SMARCA4: variants seen among roughly 807,000 people sequenced by gnomAD.
SMARCA4 encodes the protein SWI/SNF-related matrix-associated actin-dependent regulator of chromatin subfamily A member 4.
In SMARCA4, 31 loss-of-function variants were observed where a neutral mutation model predicts 193.9. The observed-to-expected ratio is 0.16, with a 90% CI of 0.12 to 0.22. The LOEUF (loss-of-function observed/expected upper bound fraction) is 0.22. Among genes scored for constraint, SMARCA4 ranks in the 10% least tolerant of loss-of-function variants. The pLI, the probability that SMARCA4 is intolerant of heterozygous loss-of-function variation, is 1.00. For synonymous variants in SMARCA4, 942 were observed against 933.1 expected, an observed-to-expected ratio of 1.01 and a Z score of -0.17; for missense variants, 1,148 against 2,296.0, an observed-to-expected ratio of 0.50 and a Z score of 10.22.
chr19:10,996,850 G>T (rs1263391639), intron 11 of SMARCA4, among the ~76,000 whole-genome samples: 1 of 152,178 alleles, frequency 6.6e-6, no homozygotes, highest in Non-Finnish European at 1.5e-5. Flanking sequence ...TTCACCCAGA[G>T]TCTCCATTTT....
intron 34 of SMARCA4, among the ~76,000 whole-genome samples, chr19:11,061,188 T>TAAAAAAAA (rs140377414): frequency 4.2e-4 from 29 of 68,814 alleles, no homozygotes; most frequent in African/African-American, 1.4e-3. Context: ...ACCCTGTCTT[T>TAAAAAAAA]AAAAAAAAAA....
chr19:11,018,847 G>A, intron 16 of SMARCA4, 110 bp from the exon 17 acceptor site: 5 of 873,000 alleles, frequency 5.7e-6, no homozygotes, highest in Non-Finnish European at 9.9e-6. Context: ...TGCCCACTCG[G>A]AGGGCTGTGG....
intron 23 of SMARCA4, among the ~76,000 whole-genome samples, chr19:11,026,705 A>G (rs955251301): frequency 6.6e-6 from 1 of 151,900 alleles, no homozygotes; most frequent in Non-Finnish European, 1.5e-5. Flanking sequence ...CACCATGTTG[A>G]CCAGGCTGAT....
At position 11,041,367 on chromosome 19, in the gene SMARCA4, C is replaced by T. The variant is rs755455174; in HGVS notation, c.4231C>T (p.Arg1411Trp). The change falls in exon 30 of 35, where the codon CGG becomes TGG. Residue 1411 changes from arginine to tryptophan, a missense_variant. Transcript: ENST00000344626. This position sits in a 1 kb window ranked among gnomAD's most constrained non-coding sequence, Gnocchi z 5.6. ...EEEVRQKKSS[R>W]KRKRDSDAGS... ...GGAGGTCCGGCAGAAGAAATCATCACGGAAGCGCAAGCGAGACAGCGACGC... is the reference window on the plus strand; with the variant it reads ...GGAGGTCCGGCAGAAGAAATCATCATGGAAGCGCAAGCGAGACAGCGACGC... The T allele has an allele frequency of 3.1e-6, 5 of 1,612,714 alleles. No homozygotes were observed. The highest frequency in any genetic ancestry group is 1.1e-5 in the South Asian group (1 of 91,076).
At chr19:11,045,322 A>T (rs1232032267) in intron 30 of SMARCA4, among the ~76,000 whole-genome samples, 4 of 152,122 alleles carry the variant, frequency 2.6e-5, no homozygotes, top group African/African-American at 9.7e-5. Flanking sequence ...TCCGTCTAAA[A>T]AAAAAAAGAG....
intron 29 of SMARCA4, among the ~76,000 whole-genome samples, chr19:11,038,555 A>G (rs113593250): frequency 1.3e-5 from 2 of 151,880 alleles, no homozygotes; most frequent in Non-Finnish European, 2.9e-5. Context: ...CTGCTCCATC[A>G]TTCTGGTGTC....
chr19:11,045,439 C>T (rs907037508), intron 30 of SMARCA4, among the ~76,000 whole-genome samples: 2 of 152,090 alleles, frequency 1.3e-5, no homozygotes, highest in East Asian at 1.9e-4. Context: ...AGCCACACGA[C>T]GAGCCTTCTA....
In SMARCA4 at chr19:11,019,514, A is replaced by AG; in HGVS notation, c.2506-72dup. ...TCCCGCCGTGTCACTGGGCAGTTGC[A>AG]GGGGGTGCCTGTGCCCCTCTTGCCA... On this transcript the variant is annotated intron_variant, in intron 17 of 34. Transcript: ENST00000344626. The surrounding 1 kb of genome is among the most constrained non-coding windows in gnomAD (Gnocchi z 6.1). 1 of 857,004 alleles carries AG rather than the reference A, an allele frequency of 1.2e-6. No individual in the cohort carries two copies. The highest frequency in any genetic ancestry group is 1.9e-6 in the Non-Finnish European group (1 of 515,910). 53.1% of individuals were successfully genotyped at this position (857,004 alleles called of 1,614,324 possible).
chr19:11,033,183 G>T lies in SMARCA4; in HGVS notation c.3547-107G>T. On this transcript the variant is annotated intron_variant, in intron 25 of 34. Coordinates refer to ENST00000344626, the MANE Select transcript of SMARCA4 (RefSeq NM_003072.5). This position sits in a 1 kb window ranked among gnomAD's most constrained non-coding sequence, Gnocchi z 9.8. ...AGGTCAGGCTGGGCAGAATTGTCAG[G>T]CCGAGGGTGGCACGCACAGCACACC... The T allele has an allele frequency of 1.2e-6, 1 of 863,776 alleles. No homozygotes were observed. The highest frequency in any genetic ancestry group is 1.9e-6 in the Non-Finnish European group (1 of 514,968). 53.5% of individuals were successfully genotyped at this position (863,776 alleles called of 1,614,324 possible).
rs372811099 is a variant in SMARCA4 at position 11,034,096 on chromosome 19, C to A, written c.3874-27C>A. ...GCCGCCCACCCCGGCCCCTCCTCAG[C>A]GGCACTGACAGTTTGCAATCTTATA... On this transcript the variant is annotated intron_variant, in intron 27 of 34. Coordinates refer to ENST00000344626, the MANE Select transcript of SMARCA4 (RefSeq NM_003072.5). This position sits in a 1 kb window ranked among gnomAD's most constrained non-coding sequence, Gnocchi z 7.0. 6.3e-7 allele frequency: 1 copy of A among 1,591,284 alleles called. No homozygotes were observed. Among genetic ancestry groups the A allele is most frequent in the Non-Finnish European group, 8.6e-7 (1 of 1,160,082 alleles).
At chr19:11,060,432 G>A in intron 34 of SMARCA4, 2 of 597,696 alleles carry the variant, frequency 3.3e-6, no homozygotes, top group East Asian at 2.8e-5. Flanking sequence ...GGGACTGGGG[G>A]ACACGTGAGT....
In SMARCA4 at chr19:10,983,684, T is replaced by C. The variant is rs1002435186; in HGVS notation, c.-31-437T>C. 6 of 187,450 alleles carry C rather than the reference T, an allele frequency of 3.2e-5. No individual in the cohort carries two copies. In the East Asian group the frequency reaches 6.6e-4, roughly 21 times the overall value. 11.6% of individuals were successfully genotyped at this position (187,450 alleles called of 1,614,324 possible). A position where few individuals can be genotyped will look rare whatever the true frequency, so the allele number is the denominator to read the frequency against. On this transcript the variant is annotated intron_variant, in intron 1 of 34. Coordinates refer to ENST00000344626, the MANE Select transcript of SMARCA4 (RefSeq NM_003072.5). ...CCTGACCTCAAATGATCTGCCCGCA[T>C]TGGCCTCCCAAAGTTCTGGGATTAC...
chr19:11,027,999 C>G (rs2146548620), intron 24 of SMARCA4, 49 bp downstream of exon 24: 1 of 1,591,740 alleles, frequency 6.3e-7, no homozygotes, highest in Non-Finnish European at 8.6e-7. Flanking sequence ...GTTGTTGTGG[C>G]TGCCACAGAA....
chr19:11,045,341 GT>G (rs2075843000), intron 30 of SMARCA4, among the ~76,000 whole-genome samples: 1 of 152,054 alleles, frequency 6.6e-6, no homozygotes, highest in South Asian at 2.1e-4. Context: ...AGGGCCTACT[GT>G]GTGCCTCCAG....
intron 15 of SMARCA4, chr19:11,010,819 C>T (rs541433710): frequency 1.2e-4 from 55 of 460,846 alleles, no homozygotes; most frequent in South Asian, 6.1e-4. Context: ...ACAGAGGAGA[C>T]GGGGCCACCT....
chr19:11,049,591 T>C (rs990576729), intron 30 of SMARCA4, among the ~76,000 whole-genome samples: 25 of 152,050 alleles, frequency 1.6e-4, no homozygotes, highest in Admixed American at 1.6e-3. Context: ...CTGGGTTCTT[T>C]ATAGCAGTCA....
chr19:10,979,343 A>G lies in SMARCA4; in HGVS notation c.-31-4778A>G, dbSNP rs74678176. ...CAGAACCTGGTAGAGTACAATGTCT[A>G]TGAAAATGAGAATGCTCACATAAAA... On this transcript the variant is annotated intron_variant, in intron 1 of 34. Transcript: ENST00000344626. Among the ~76,000 whole-genome samples the G allele has an allele frequency of 3.7e-3, 557 of 151,682 alleles. 3 individuals carry two copies. The highest frequency in any genetic ancestry group is 0.013 in the African/African-American group (535 of 41,396).
At chr19:11,007,429 C>CAAA (rs1188457080) in intron 13 of SMARCA4, among the ~76,000 whole-genome samples, 19 of 56,046 alleles carry the variant, frequency 3.4e-4, no homozygotes, top group East Asian at 6.4e-4. Flanking sequence ...CACTTCGTCT[C>CAAA]AAAAAAAAAA....
At chr19:11,017,146 G>A (rs778347498) in intron 16 of SMARCA4, among the ~76,000 whole-genome samples, 4 of 152,200 alleles carry the variant, frequency 2.6e-5, no homozygotes, top group Non-Finnish European at 4.4e-5. Flanking sequence ...CACTGTCTGC[G>A]GCTCTGAGTG....
Sources: gnomAD v4.1 joint callset for allele counts (sites outside exome capture counted in the v4.1 genomes callset) on GRCh38, gnomAD v4.1.1 for gene constraint, Gnocchi (gnomAD v3.1) non-coding constraint, MANE v1.5 for transcripts, NCBI Gene and HGNC (gene_info 2026-07-23, HGNC 2026-07-21) for gene names.